Variants in PBX1 observed in about 807,000 individuals in gnomAD.
The protein encoded by PBX1 is pre-B-cell leukemia transcription factor 1.
A neutral mutation model predicts 53.4 loss-of-function variants in PBX1; 6 were observed. The observed-to-expected ratio is 0.11, with a 90% CI of 0.06 to 0.22. The LOEUF is 0.22. PBX1 is among the 10% of genes least tolerant of loss of function. The pLI, the probability that PBX1 is intolerant of heterozygous loss-of-function variation, is 1.00. For synonymous variants in PBX1, 204 were observed against 212.3 expected (o/e 0.96, Z 0.34); for missense variants, 251 against 551.4 (o/e 0.46, Z 5.46).
chr1:164,628,023 G>A (rs1179832965), intron 2 of PBX1, among the ~76,000 whole-genome samples: 5 of 152,292 alleles, frequency 3.3e-5, no homozygotes, highest in Middle Eastern at 3.4e-3. Flanking sequence ...AGAAAAGTAT[G>A]TTAATTGCTT....
chr1:164,728,311 G>A (rs1171122362), intron 2 of PBX1, among the ~76,000 whole-genome samples: 2 of 144,894 alleles, frequency 1.4e-5, no homozygotes, highest in African/African-American at 2.6e-5. Context: ...AGGAGATCTT[G>A]TCTTAACAAA....
intron 2 of PBX1, chr1:164,590,347 T>G (rs1334361962): frequency 1.3e-5 from 6 of 455,922 alleles, no homozygotes; most frequent in Non-Finnish European, 2.6e-5. Flanking sequence ...AGGGCTCTCC[T>G]GCATGCTCCT....
intron 6 of PBX1, chr1:164,812,748 T>G (rs1669678199): frequency 6.6e-6 from 1 of 152,228 alleles, no homozygotes; most frequent in Non-Finnish European, 1.5e-5. Flanking sequence ...GTAATAGGCT[T>G]TGTTTCAGGA....
chr1:164,818,214 A>T (rs1167674458), intron 6 of PBX1: 1 of 152,238 alleles, frequency 6.6e-6, no homozygotes, highest in Non-Finnish European at 1.5e-5. Context: ...ACACGTGAGA[A>T]TGTGATCTGT....
chr1:164,675,602 A>G (rs1661386096), intron 2 of PBX1, among the ~76,000 whole-genome samples: 2 of 151,666 alleles, frequency 1.3e-5, no homozygotes, highest in Non-Finnish European at 2.9e-5. Context: ...GATTTATCTC[A>G]CCTCTTACCT....
intron 2 of PBX1, among the ~76,000 whole-genome samples, chr1:164,634,012 G>A (rs1658583103): frequency 6.6e-6 from 1 of 152,166 alleles, no homozygotes; most frequent in Non-Finnish European, 1.5e-5. Context: ...GTCCCGGGTG[G>A]CGTTATCCAG....
chr1:164,700,321 C>T (rs1222982327), intron 2 of PBX1: 1 of 323,398 alleles, frequency 3.1e-6, no homozygotes, highest in Non-Finnish European at 4.4e-6. Flanking sequence ...ACTCCCGTGG[C>T]TGTGTGAGAC....
chr1:164,784,262 G>A (rs1007786877), intron 2 of PBX1, among the ~76,000 whole-genome samples: 2 of 152,168 alleles, frequency 1.3e-5, no homozygotes, highest in Non-Finnish European at 2.9e-5. Flanking sequence ...TTAGGCAAAG[G>A]GGTTTCCCGA....
chr1:164,587,247 C>G (rs1247529084), intron 2 of PBX1, among the ~76,000 whole-genome samples: 2 of 152,114 alleles, frequency 1.3e-5, no homozygotes, highest in Admixed American at 1.3e-4. Context: ...AATCCTTATC[C>G]TAAACTTAAG....
intron 8 of PBX1, among the ~76,000 whole-genome samples, chr1:164,841,562 T>A (rs1263427739): frequency 6.6e-6 from 1 of 152,148 alleles, no homozygotes; most frequent in Non-Finnish European, 1.5e-5. Context: ...ACTGTAAAAT[T>A]CCCCAGGAAA....
chr1:164,671,470 G>C (rs1377279121), intron 2 of PBX1, among the ~76,000 whole-genome samples: 1 of 152,168 alleles, frequency 6.6e-6, no homozygotes, highest in Non-Finnish European at 1.5e-5. Context: ...ACACTCGCCT[G>C]CCAGTGCATG....
At chr1:164,824,426 C>A (rs1670319722) in intron 8 of PBX1, among the ~76,000 whole-genome samples, 1 of 152,084 alleles carries the variant, frequency 6.6e-6, no homozygotes. Flanking sequence ...TGGCTTAGGG[C>A]AAATGAGAAA....
intron 2 of PBX1, among the ~76,000 whole-genome samples, chr1:164,699,669 C>T (rs1426685578): frequency 6.6e-6 from 1 of 152,066 alleles, no homozygotes; most frequent in Admixed American, 6.5e-5. Context: ...ACTTCTTTGT[C>T]TAAAAGGGAA....
intron 8 of PBX1, among the ~76,000 whole-genome samples, chr1:164,833,364 A>C (rs1430876012): frequency 6.6e-6 from 1 of 152,210 alleles, no homozygotes; most frequent in Non-Finnish European, 1.5e-5. Flanking sequence ...CTAGCGTTAT[A>C]AAATGAGCAT....
chr1:164,677,435 A>C (rs1426058708), intron 2 of PBX1, among the ~76,000 whole-genome samples: 3 of 152,046 alleles, frequency 2.0e-5, no homozygotes, highest in African/African-American at 7.2e-5. Flanking sequence ...TGCACCATTT[A>C]CAATTTTGAA....
intron 2 of PBX1, among the ~76,000 whole-genome samples, chr1:164,681,816 CT>C (rs1448328796): frequency 2.7e-5 from 4 of 148,616 alleles, no homozygotes; most frequent in African/African-American, 7.3e-5. Context: ...ACATGCACCC[CT>C]GAACCTAAAA....
intron 3 of PBX1, among the ~76,000 whole-genome samples, chr1:164,799,423 G>T (rs1036364643): frequency 1.3e-5 from 2 of 152,124 alleles, no homozygotes; most frequent in African/African-American, 2.4e-5. Context: ...CCCGGGAGGC[G>T]GGGCTTGCAG....
rs1326432970 is a variant in PBX1 at position 164,851,573 on chromosome 1, G to C, written c.*4897G>C. The C allele has an allele frequency of 1.6e-5, 3 of 186,142 alleles. No individual in the cohort carries two copies. Among genetic ancestry groups the C allele is most frequent in the Non-Finnish European group, 3.4e-5 (3 of 88,502 alleles). 11.5% of individuals were successfully genotyped at this position (186,142 alleles called of 1,614,324 possible). ...TTTTCAATTTGAAATGCTTTCCTTT[G>C]GTTGTTGGTTTTATTCTCCCCCTAC... On this transcript the variant is annotated 3_prime_UTR_variant, in exon 9 of 9. Transcript: ENST00000420696.
At chr1:164,768,030 G>A (rs1667159637) in intron 2 of PBX1, among the ~76,000 whole-genome samples, 1 of 151,504 alleles carries the variant, frequency 6.6e-6, no homozygotes, top group Non-Finnish European at 1.5e-5. Flanking sequence ...CAGTAGATGT[G>A]CCTACTTAAC....
Sources: gnomAD v4.1 joint callset for allele counts (sites outside exome capture counted in the v4.1 genomes callset) on GRCh38, gnomAD v4.1.1 for gene constraint, MANE v1.5 for transcripts, NCBI Gene and HGNC (gene_info 2026-07-23, HGNC 2026-07-21) for gene names.